Variants in NFE2L2 observed in about 807,000 individuals in gnomAD.
The protein encoded by NFE2L2 is nuclear factor erythroid 2-related factor 2.
Under a neutral mutation model 49.6 loss-of-function variants are expected in NFE2L2, and 20 were observed. The ratio of observed to expected loss-of-function variants is 0.40; its 90% confidence interval spans 0.28 to 0.59. The LOEUF (loss-of-function observed/expected upper bound fraction) is 0.59. NFE2L2 is among the 20% of genes least tolerant of loss of function. The probability of loss-of-function intolerance (pLI) is 0.40; values close to 1 mark genes in which losing one functional copy is unlikely to be tolerated. For synonymous variants in NFE2L2, 244 were observed against 256.5 expected (o/e 0.95, Z 0.47); for missense variants, 578 against 714.2 (o/e 0.81, Z 2.17).
At chr2:177,248,714 ACT>A (rs1195908084) in intron 1 of NFE2L2, among the ~76,000 whole-genome samples, 1 of 151,426 alleles carries the variant, frequency 6.6e-6, no homozygotes, top group East Asian at 1.9e-4. Flanking sequence ...TGGCCTCTGT[ACT>A]CTTTTTTTTA....
intron 1 of NFE2L2, among the ~76,000 whole-genome samples, chr2:177,246,788 T>A (rs1290987209): frequency 1.4e-5 from 2 of 148,142 alleles, no homozygotes; most frequent in African/African-American, 5.0e-5. Flanking sequence ...TTTTTTTTTT[T>A]TTTTGTACAG....
At chr2:177,259,931 C>CA (rs994682243) in intron 1 of NFE2L2, among the ~76,000 whole-genome samples, 41 of 145,250 alleles carry the variant, frequency 2.8e-4, no homozygotes, top group African/African-American at 7.1e-4. Context: ...GACTGCGTCT[C>CA]AAAAAAAAAA....
rs1397399569 is a variant in NFE2L2 at position 177,231,689 on chromosome 2, A to G, written c.914T>C (p.Leu305Ser). Residue 305 changes from leucine to serine, a missense_variant, in exon 5 of 5, where the codon TTA becomes TCA. Physicochemically the swap from Leu to Ser is moderately radical, Grantham distance 145 (BLOSUM62 -2). Coordinates refer to ENST00000397062, the MANE Select transcript of NFE2L2 (RefSeq NM_006164.5). ...ISNSMPSPAT[L>S]SHSLSELLNG... ...TAGAAGTTCAGAGAGTGAATGGCTTAAAGTAGCAGGTGAGGGCATGCTGTT... is the reference window on the plus strand; with the variant it reads ...TAGAAGTTCAGAGAGTGAATGGCTTGAAGTAGCAGGTGAGGGCATGCTGTT... The G allele has an allele frequency of 6.2e-7, 1 of 1,614,208 alleles. No individual in the cohort carries two copies. The highest frequency in any genetic ancestry group is 8.5e-7 in the Non-Finnish European group (1 of 1,180,008).
chr2:177,258,271 T>C (rs1029964589), intron 1 of NFE2L2, among the ~76,000 whole-genome samples: 1 of 152,268 alleles, frequency 6.6e-6, no homozygotes, highest in Non-Finnish European at 1.5e-5. Context: ...GCTATTGATA[T>C]ACGTTGCAAC....
chr2:177,261,446 T>C (rs1690736494), intron 1 of NFE2L2, among the ~76,000 whole-genome samples: 1 of 152,218 alleles, frequency 6.6e-6, no homozygotes, highest in South Asian at 2.1e-4. Context: ...AAGTGTGAGC[T>C]TTTCTTCCTA....
At chr2:177,264,446 G>T in intron 1 of NFE2L2, 86 bp downstream of exon 1, 2 of 1,380,706 alleles carry the variant, frequency 1.4e-6, no homozygotes, top group Non-Finnish European at 9.8e-7. Context: ...GAAGCCGGTT[G>T]CGGCTGTCCC....
In NFE2L2 at chr2:177,231,903, A is replaced by T. The variant is rs778786297; in HGVS notation, c.700T>A (p.Ser234Thr). ...DNYHFYSSIP[S>T]MEKEVGNCSP... is the part of the protein sequence containing the mutation. ...CAGTTACCTACTTCTTTTTCCATTG[A>T]GGGTATAGATGAGTAAAAATGATAA... Residue 234 changes from serine to threonine, a missense_variant, in exon 5 of 5, where the codon TCA becomes ACA. Coordinates refer to ENST00000397062, the MANE Select transcript of NFE2L2 (RefSeq NM_006164.5). The T allele has an allele frequency of 4.3e-6, 7 of 1,614,046 alleles. No homozygotes were observed. The highest frequency in any genetic ancestry group is 1.3e-5 in the African/African-American group (1 of 74,924).
rs116769762 is a variant in NFE2L2 at position 177,244,706 on chromosome 2, A to C, written c.46-10435T>G. Reference sequence around the variant, plus strand: ...GAGGCTATGGAGATGGCAAGAACACACAAGAAGTAAATAATCTCGGCTGGG... The same window carrying C: ...GAGGCTATGGAGATGGCAAGAACACCCAAGAAGTAAATAATCTCGGCTGGG... On this transcript the variant is annotated intron_variant, in intron 1 of 4. Transcript: ENST00000397062. Among the ~76,000 whole-genome samples, 1,051 of 152,290 alleles carry C rather than the reference A, an allele frequency of 6.9e-3. 12 individuals are homozygous for C. The highest frequency in any genetic ancestry group is 0.024 in the African/African-American group (1,003 of 41,570).
intron 1 of NFE2L2, among the ~76,000 whole-genome samples, chr2:177,237,898 T>C (rs191636022): frequency 1.1e-4 from 16 of 152,336 alleles, no homozygotes; most frequent in African/African-American, 3.6e-4. Context: ...GTATCCTGTC[T>C]AGACTTTCTG....
chr2:177,232,019 AG>A lies in NFE2L2; in HGVS notation c.595-12del. 6.3e-7 allele frequency: 1 copy of A among 1,580,482 alleles called. No homozygotes were observed. The highest frequency in any genetic ancestry group is 8.6e-7 in the Non-Finnish European group (1 of 1,164,822). On this transcript the variant is annotated splice_polypyrimidine_tract_variant and intron_variant, in intron 4 of 4. Transcript: ENST00000397062. ...TTCAATATTAAGACACTGCATGAGAAGGAAGTTTATACTATATAAATCAAAG... is the reference window on the plus strand; with the variant it reads ...TTCAATATTAAGACACTGCATGAGAAGAAGTTTATACTATATAAATCAAAG...
intron 2 of NFE2L2, chr2:177,233,737 T>A: frequency 1.8e-6 from 1 of 552,442 alleles, no homozygotes; most frequent in South Asian, 2.3e-5. Context: ...TGCTACTTGA[T>A]CCTTACAGGA....
At chr2:177,232,992 C>T in intron 3 of NFE2L2, 2 of 510,398 alleles carry the variant, frequency 3.9e-6, no homozygotes, top group Middle Eastern at 5.0e-4. Flanking sequence ...CATGGTTATG[C>T]TGTCCATGTT....
At chr2:177,247,205 T>C (rs759930677) in intron 1 of NFE2L2, among the ~76,000 whole-genome samples, 2 of 152,152 alleles carry the variant, frequency 1.3e-5, no homozygotes, top group Admixed American at 6.5e-5. Flanking sequence ...TCCCCATGCC[T>C]TTCCCAACTC....
At chr2:177,264,215 T>C (rs1284373165) in intron 1 of NFE2L2, 4 of 304,900 alleles carry the variant, frequency 1.3e-5, no homozygotes, top group Non-Finnish European at 2.4e-5. Flanking sequence ...GGCTCCGGAG[T>C]CCCAGCTCTC....
intron 1 of NFE2L2, among the ~76,000 whole-genome samples, chr2:177,257,515 C>T (rs552158263): frequency 6.6e-6 from 1 of 152,314 alleles, no homozygotes; most frequent in East Asian, 1.9e-4. Flanking sequence ...AACTGTAAGG[C>T]TGTGAAGGGC....
At chr2:177,238,157 C>T (rs1270331649) in intron 1 of NFE2L2, among the ~76,000 whole-genome samples, 1 of 152,168 alleles carries the variant, frequency 6.6e-6, no homozygotes, top group African/African-American at 2.4e-5. Flanking sequence ...TTGACACATC[C>T]CTGCCTCACC....
intron 1 of NFE2L2, chr2:177,263,986 C>G: frequency 1.0e-6 from 1 of 979,928 alleles, no homozygotes; most frequent in Non-Finnish European, 1.2e-6. Flanking sequence ...CGCGTCGCAG[C>G]CCGCACTCAA....
At chr2:177,258,686 G>GAC (rs1427325292) in intron 1 of NFE2L2, among the ~76,000 whole-genome samples, 3 of 152,012 alleles carry the variant, frequency 2.0e-5, no homozygotes, top group African/African-American at 7.3e-5. Flanking sequence ...ACATAAGTAA[G>GAC]ACAAGTATCA....
chr2:177,232,857 C>T (rs1344726187), intron 3 of NFE2L2: 2 of 496,716 alleles, frequency 4.0e-6, no homozygotes, highest in Non-Finnish European at 7.1e-6. Flanking sequence ...TAATATCTAG[C>T]ACAGTGGTAC....
Sources: allele counts gnomAD v4.1 joint callset (sites outside exome capture counted in the v4.1 genomes callset), GRCh38; gene constraint gnomAD v4.1.1; transcripts MANE v1.5; gene names NCBI Gene and HGNC (gene_info 2026-07-23, HGNC 2026-07-21).